Variants in ADCY8 observed in about 807,000 individuals in gnomAD.
ADCY8 encodes the protein adenylate cyclase 8.
ADCY8 carries 51 observed loss-of-function variants against 119.7 expected under a neutral mutation model. That is an observed-to-expected ratio of 0.43 (90% CI 0.34 to 0.54). The LOEUF (loss-of-function observed/expected upper bound fraction) is 0.54, where lower values mean the gene tolerates loss of function less well. Among genes scored for constraint, ADCY8 ranks in the 20% least tolerant of loss-of-function variants. The pLI is 0.03. For missense variants in ADCY8, 1,383 were observed against 1,598.8 expected (o/e 0.87, Z 2.30); for synonymous variants, 665 against 651.0 (o/e 1.02, Z -0.33).
chr8:130,815,309 A>G (rs1816302598), intron 13 of ADCY8, among the ~76,000 whole-genome samples: 1 of 152,220 alleles, frequency 6.6e-6, no homozygotes, highest in African/African-American at 2.4e-5. Context: ...GTTATGTACG[A>G]CAGGTGGAGA....
chr8:130,921,491 C>T (rs1412580115), intron 5 of ADCY8, among the ~76,000 whole-genome samples: 2 of 136,666 alleles, frequency 1.5e-5, no homozygotes, highest in African/African-American at 5.5e-5. Context: ...GCTCTTATTG[C>T]CCCGGCTAGG....
chr8:131,005,643 G>A (rs545851652), intron 1 of ADCY8, among the ~76,000 whole-genome samples: 28 of 152,284 alleles, frequency 1.8e-4, no homozygotes, highest in Admixed American at 3.3e-4. Context: ...ATGGCTAGCC[G>A]AAGAGGAAGA....
At chr8:130,961,896 G>T (rs983528407) in intron 2 of ADCY8, among the ~76,000 whole-genome samples, 2 of 152,128 alleles carry the variant, frequency 1.3e-5, no homozygotes, top group South Asian at 4.2e-4. Flanking sequence ...GATCATTTGA[G>T]CCCAGGAGTT....
rs775013834 is a variant in ADCY8, at chr8:130,836,328, G to A, written c.2624C>T (p.Thr875Ile). The change falls in exon 12 of 18, where the codon ACC becomes ATC. Residue 875 changes from threonine (T) to isoleucine (I), a missense_variant. Transcript: ENST00000286355. ...ACGCAGAAAGAGGCCTGCGTAGACG[G>A]TCTCAGTGAGCAGGGCATAGATGGC... ...MIAIYALLTE[T>I]VYAGLFLRYD... 1.9e-6 allele frequency: 3 copies of A among 1,613,938 alleles called. No individual in the cohort carries two copies. Among genetic ancestry groups the A allele is most frequent in the Non-Finnish European group, 8.5e-7 (1 of 1,179,886 alleles).
intron 5 of ADCY8, among the ~76,000 whole-genome samples, chr8:130,918,789 C>T (rs527517503): frequency 6.6e-5 from 10 of 152,272 alleles, no homozygotes; most frequent in Non-Finnish European, 1.3e-4. Context: ...TGGCCGGGCA[C>T]GGTGGCTCAT....
At chr8:130,882,957 C>G (rs571451150) in intron 8 of ADCY8, among the ~76,000 whole-genome samples, 1 of 152,176 alleles carries the variant, frequency 6.6e-6, no homozygotes, top group African/African-American at 2.4e-5. Context: ...CAATGCATAG[C>G]ACAGGCTAGG....
chr8:130,822,944 A>G (rs1816564488), intron 12 of ADCY8, among the ~76,000 whole-genome samples: 1 of 152,146 alleles, frequency 6.6e-6, no homozygotes, highest in Non-Finnish European at 1.5e-5. Flanking sequence ...CCTGTGAAGC[A>G]CCTGACACAT....
intron 13 of ADCY8, among the ~76,000 whole-genome samples, chr8:130,817,767 G>A (rs936587341): frequency 2.6e-5 from 4 of 152,136 alleles, no homozygotes; most frequent in Non-Finnish European, 5.9e-5. Flanking sequence ...CAAACTTATA[G>A]GGAAAAAATT....
At chr8:130,953,410 C>T (rs1421231830) in intron 2 of ADCY8, among the ~76,000 whole-genome samples, 4 of 152,166 alleles carry the variant, frequency 2.6e-5, no homozygotes, top group Non-Finnish European at 4.4e-5. Flanking sequence ...CCCTGACAAT[C>T]AGCTTGCAGA....
At chr8:130,995,540 C>T (rs964576940) in intron 1 of ADCY8, among the ~76,000 whole-genome samples, 1 of 152,136 alleles carries the variant, frequency 6.6e-6, no homozygotes, top group Non-Finnish European at 1.5e-5. Flanking sequence ...CCATTTTGTA[C>T]TTTTCCTCAC....
At chr8:130,927,609 G>A (rs759293451) in intron 5 of ADCY8, among the ~76,000 whole-genome samples, 4 of 151,978 alleles carry the variant, frequency 2.6e-5, no homozygotes, top group Non-Finnish European at 4.4e-5. Flanking sequence ...ATAGTTTGCT[G>A]TTAATATATA....
At chr8:130,952,580 C>A (rs965655650) in intron 2 of ADCY8, among the ~76,000 whole-genome samples, 2 of 152,154 alleles carry the variant, frequency 1.3e-5, no homozygotes, top group Admixed American at 1.3e-4. Context: ...GGTGAGCATA[C>A]AATGTTTGTG....
In ADCY8 at chr8:131,040,187, G is replaced by T. The variant is rs1208161051; in HGVS notation, c.147C>A (p.Arg49=). 5 of 1,534,796 alleles carry T rather than the reference G, an allele frequency of 3.3e-6. No individual in the cohort carries two copies. Among genetic ancestry groups the T allele is most frequent in the Non-Finnish European group, 4.4e-6 (5 of 1,146,652 alleles). The change falls in exon 1 of 18, where the codon CGC becomes CGA. Residue 49 remains arginine, a synonymous_variant. Transcript: ENST00000286355. ...TGCCTCCCCGGTGCCCGTGAATGAA[G>T]CGCTGCTCCGTGATGTGTCGCACCG... The part of the protein sequence containing the change: ...QTAVRHITEQ[R]FIHGHRGGSG...
chr8:130,916,537 G>T (rs777635773), intron 5 of ADCY8, among the ~76,000 whole-genome samples: 8 of 152,174 alleles, frequency 5.3e-5, no homozygotes, highest in Non-Finnish European at 1.0e-4. Context: ...CCATAAACTG[G>T]CCCCAAAACT....
At chr8:130,872,836 G>A (rs1250039729) in intron 8 of ADCY8, among the ~76,000 whole-genome samples, 1 of 152,164 alleles carries the variant, frequency 6.6e-6, no homozygotes, top group African/African-American at 2.4e-5. Flanking sequence ...GAAAATTCCT[G>A]TTTGATTTGA....
chr8:130,861,140 T>C lies in ADCY8; in HGVS notation c.2210+6706A>G, dbSNP rs74321121. 0.016 allele frequency among the ~76,000 whole-genome samples: 2,419 copies of C among 152,328 alleles called. 142 individuals are homozygous for C. The East Asian group carries it at 0.22, about 14-fold the overall frequency. On this transcript the variant is annotated intron_variant, in intron 9 of 17. Coordinates refer to ENST00000286355, the MANE Select transcript of ADCY8 (RefSeq NM_001115.3). ...TTGAAATCAGGTAGTATTAATCCTC[T>C]AGCTTTGTTGTTATTCTTTTATGGT...
At chr8:130,856,467 G>T (rs1230135637) in intron 9 of ADCY8, among the ~76,000 whole-genome samples, 2 of 152,028 alleles carry the variant, frequency 1.3e-5, no homozygotes, top group African/African-American at 4.8e-5. Context: ...CCATTGACAA[G>T]AGTGACTAGA....
chr8:131,014,483 A>C (rs1489951323), intron 1 of ADCY8, among the ~76,000 whole-genome samples: 1 of 152,196 alleles, frequency 6.6e-6, no homozygotes, highest in African/African-American at 2.4e-5. Context: ...TTTTAGATTT[A>C]AATCCTAATT....
At chr8:130,997,524 A>G (rs1375624770) in intron 1 of ADCY8, among the ~76,000 whole-genome samples, 3 of 152,188 alleles carry the variant, frequency 2.0e-5, no homozygotes, top group Admixed American at 6.5e-5. Flanking sequence ...TTCAAAACTT[A>G]TGCAGCCAGT....
Sources: allele counts gnomAD v4.1 joint callset (sites outside exome capture counted in the v4.1 genomes callset), GRCh38; gene constraint gnomAD v4.1.1; transcripts MANE v1.5; gene names NCBI Gene and HGNC (gene_info 2026-07-23, HGNC 2026-07-21).